Variants in KCNMA1 observed in about 807,000 individuals in gnomAD.
KCNMA1 encodes the protein potassium calcium-activated channel subfamily M alpha 1, also known as Calcium-activated potassium channel subunit alpha-1.
In KCNMA1, 29 loss-of-function variants were observed where a neutral mutation model predicts 140.0. That is an observed-to-expected ratio of 0.21 (90% CI 0.15 to 0.28). The LOEUF (loss-of-function observed/expected upper bound fraction) is 0.28. Among genes scored for constraint, KCNMA1 ranks in the 10% least tolerant of loss-of-function variants. The pLI is 1.00. For missense variants in KCNMA1, 880 were observed against 1,602.2 expected (o/e 0.55, Z 7.70); for synonymous variants, 612 against 611.9 (o/e 1.00, Z 0.00).
At chr10:77,517,138 G>C (rs1429719422) in intron 1 of KCNMA1, among the ~76,000 whole-genome samples, 1 of 152,140 alleles carries the variant, frequency 6.6e-6, no homozygotes, top group Non-Finnish European at 1.5e-5. Flanking sequence ...ACTCAGGCTG[G>C]AGAGACTGGG....
At chr10:77,435,075 C>T (rs1386240474) in intron 1 of KCNMA1, among the ~76,000 whole-genome samples, 1 of 151,968 alleles carries the variant, frequency 6.6e-6, no homozygotes, top group East Asian at 1.9e-4. Flanking sequence ...GCTGGGACTA[C>T]AGGCATGTGC....
At chr10:77,561,128 C>CTT (rs5786297) in intron 1 of KCNMA1, among the ~76,000 whole-genome samples, 17 of 150,432 alleles carry the variant, frequency 1.1e-4, no homozygotes, top group African/African-American at 3.9e-4. Flanking sequence ...AAAAATACAA[C>CTT]TTTTTTTTTT....
chr10:77,012,512 A>G, intron 17 of KCNMA1: 1 of 1,550,334 alleles, frequency 6.5e-7, no homozygotes, highest in Non-Finnish European at 8.7e-7. Context: ...TGTCACTCTG[A>G]AAGCACCTTT....
At chr10:76,906,309 T>C (rs570103380) in intron 25 of KCNMA1, among the ~76,000 whole-genome samples, 1 of 152,324 alleles carries the variant, frequency 6.6e-6, no homozygotes, top group South Asian at 2.1e-4. Flanking sequence ...TGCATCAAGA[T>C]GGTATCATTC....
chr10:77,129,568 C>A (rs142923429), intron 5 of KCNMA1, among the ~76,000 whole-genome samples: 1 of 152,078 alleles, frequency 6.6e-6, no homozygotes, highest in Non-Finnish European at 1.5e-5. Context: ...ATCAATAATA[C>A]AATAAAAGAT....
At chr10:76,995,768 T>C in intron 19 of KCNMA1, 2 of 448,744 alleles carry the variant, frequency 4.5e-6, no homozygotes, top group Non-Finnish European at 4.6e-6. Context: ...GGGCCTCTTC[T>C]GGGCTTACAT....
At chr10:77,607,614 T>A (rs751637636) in intron 1 of KCNMA1, among the ~76,000 whole-genome samples, 1 of 152,044 alleles carries the variant, frequency 6.6e-6, no homozygotes, top group Admixed American at 6.6e-5. Flanking sequence ...GAAACTGAGA[T>A]GGAGCAATGT....
At chr10:77,117,641 T>C (rs1389035843) in intron 6 of KCNMA1, among the ~76,000 whole-genome samples, 1 of 150,110 alleles carries the variant, frequency 6.7e-6, no homozygotes, top group Non-Finnish European at 1.5e-5. Context: ...GAGTGATCCA[T>C]GTTTTAGTCA....
At chr10:77,008,255 A>T in intron 18 of KCNMA1, 1 of 1,487,088 alleles carries the variant, frequency 6.7e-7, no homozygotes, top group Admixed American at 2.1e-5. Context: ...GAGAAAAAAA[A>T]TAAATCAAAG....
chr10:77,369,474 C>T (rs1378760204), intron 2 of KCNMA1, among the ~76,000 whole-genome samples: 1 of 152,124 alleles, frequency 6.6e-6, no homozygotes, highest in South Asian at 2.1e-4. Context: ...TGGCTCTGGC[C>T]CTATGCTCAT....
At chr10:77,323,228 G>A (rs1485050453) in intron 2 of KCNMA1, among the ~76,000 whole-genome samples, 1 of 152,174 alleles carries the variant, frequency 6.6e-6, no homozygotes, top group African/African-American at 2.4e-5. Context: ...CACATCTGAT[G>A]GAAGGCAAAG....
At chr10:77,539,027 G>T (rs184484767) in intron 1 of KCNMA1, among the ~76,000 whole-genome samples, 2 of 152,250 alleles carry the variant, frequency 1.3e-5, no homozygotes, top group Non-Finnish European at 2.9e-5. Flanking sequence ...CTACCCAAGA[G>T]GCTGAACACA....
chr10:77,232,465 A>G (rs2053933567), intron 3 of KCNMA1, among the ~76,000 whole-genome samples: 1 of 152,192 alleles, frequency 6.6e-6, no homozygotes, highest in Non-Finnish European at 1.5e-5. Flanking sequence ...AATGGGTGTA[A>G]AGTGGTATCT....
chr10:77,359,302 G>A (rs1190728327), intron 2 of KCNMA1, among the ~76,000 whole-genome samples: 1 of 152,136 alleles, frequency 6.6e-6, no homozygotes, highest in Non-Finnish European at 1.5e-5. Flanking sequence ...CGAGTGTGTC[G>A]GTATGTGTGT....
At chr10:77,231,315 G>T (rs1172869776) in intron 3 of KCNMA1, among the ~76,000 whole-genome samples, 1 of 152,096 alleles carries the variant, frequency 6.6e-6, no homozygotes, top group African/African-American at 2.4e-5. Context: ...CAAGGCAGGG[G>T]GTTCATTCTT....
At chr10:77,600,067 C>T (rs930164340) in intron 1 of KCNMA1, among the ~76,000 whole-genome samples, 15 of 152,162 alleles carry the variant, frequency 9.9e-5, no homozygotes, top group Non-Finnish European at 1.2e-4. Flanking sequence ...GCAGGCTGAT[C>T]GCATCATTTT....
intron 1 of KCNMA1, among the ~76,000 whole-genome samples, chr10:77,581,065 T>C (rs1397123260): frequency 6.6e-6 from 1 of 152,208 alleles, no homozygotes; most frequent in African/African-American, 2.4e-5. Flanking sequence ...CATAAAATTC[T>C]TCATACATTT....
At chr10:77,007,373 A>G (rs2089185554) in intron 18 of KCNMA1, among the ~76,000 whole-genome samples, 1 of 152,116 alleles carries the variant, frequency 6.6e-6, no homozygotes, top group African/African-American at 2.4e-5. Context: ...AGTACTGACT[A>G]AAAGAAAAAC....
chr10:77,159,927 T>C (rs913240677), intron 5 of KCNMA1, among the ~76,000 whole-genome samples: 1 of 152,196 alleles, frequency 6.6e-6, no homozygotes, highest in Non-Finnish European at 1.5e-5. Flanking sequence ...TCATTGAGGG[T>C]TCCTTTTAGT....
Sources: allele counts gnomAD v4.1 joint callset (sites outside exome capture counted in the v4.1 genomes callset), GRCh38; gene constraint gnomAD v4.1.1; transcripts MANE v1.5; gene names NCBI Gene and HGNC (gene_info 2026-07-23, HGNC 2026-07-21).